The following CDH7 variants were observed in gnomAD, a reference collection of about 807,000 sequenced individuals.
CDH7 encodes cadherin 7.
CDH7 carries 25 observed loss-of-function variants against 71.8 expected under a neutral mutation model. The ratio of observed to expected loss-of-function variants is 0.35; its 90% CI spans 0.25 to 0.49. The LOEUF (loss-of-function observed/expected upper bound fraction) is 0.49, where lower values mean the gene tolerates loss of function less well. CDH7 is among the 20% of genes least tolerant of loss of function. CDH7 has a pLI of 0.99. For synonymous variants in CDH7, 381 were observed against 363.8 expected (o/e 1.05, Z -0.54); for missense variants, 862 against 974.6 (o/e 0.88, Z 1.54).
chr18:65,825,983 T>C (rs116769209), intron 6 of CDH7, among the ~76,000 whole-genome samples: 8,119 of 151,818 alleles, frequency 0.053, 303 homozygotes, highest in South Asian at 0.12. Flanking sequence ...TAATGCAAAT[T>C]GAAAGTTTTT....
chr18:65,816,968 TGGATCTGTGTGATATATGGGA>T (rs1911746069), intron 4 of CDH7, among the ~76,000 whole-genome samples: 1 of 152,210 alleles, frequency 6.6e-6, no homozygotes, highest in African/African-American at 2.4e-5. Flanking sequence ...ATACCTTTTT[TGGATCTGTGTGATATATGGGA>T]GGACTGGCTA....
intron 1 of CDH7, among the ~76,000 whole-genome samples, chr18:65,758,280 C>G (rs988846903): frequency 6.6e-6 from 1 of 152,022 alleles, no homozygotes; most frequent in African/African-American, 2.4e-5. Context: ...CAGCTCAGGA[C>G]AGAATGAAAC....
At chr18:65,879,820 A>G (rs1914167482) in intron 11 of CDH7, among the ~76,000 whole-genome samples, 1 of 152,186 alleles carries the variant, frequency 6.6e-6, no homozygotes, top group African/African-American at 2.4e-5. Flanking sequence ...GACCAAGTTC[A>G]GTATTTTATA....
At chr18:65,813,201 G>A (rs747502564) in intron 3 of CDH7, among the ~76,000 whole-genome samples, 13 of 152,234 alleles carry the variant, frequency 8.5e-5, no homozygotes, top group African/African-American at 2.2e-4. Context: ...GCATGGTGGC[G>A]CATGCCTGTA....
intron 11 of CDH7, among the ~76,000 whole-genome samples, chr18:65,869,373 A>C (rs1317490615): frequency 6.6e-6 from 1 of 152,014 alleles, no homozygotes; most frequent in Non-Finnish European, 1.5e-5. Context: ...CATTGTCTAC[A>C]GACTAAAATC....
In CDH7 at chr18:65,880,615, G is replaced by A. The variant is rs1158451939; in HGVS notation, c.2079G>A (p.Leu693=). The A allele has an allele frequency of 6.2e-7, 1 of 1,613,792 alleles. No individual in the cohort carries two copies. The highest frequency in any genetic ancestry group is 1.7e-5 in the Admixed American group (1 of 59,942). Reference sequence around the variant, plus strand: ...ATGTGACTCCAGAAATTCAATTCCTGAGTCGACCAGCTTTTAAAAGCATCC... The same window carrying A: ...ATGTGACTCCAGAAATTCAATTCCTAAGTCGACCAGCTTTTAAAAGCATCC... ...RRDVTPEIQF[L]SRPAFKSIPD... is the part of the protein sequence containing the mutation. Residue 693 remains leucine (L), a synonymous_variant, in exon 12 of 12, where the codon CTG becomes CTA. Transcript: ENST00000397968.
chr18:65,776,335 A>G (rs1909937895), intron 2 of CDH7, among the ~76,000 whole-genome samples: 1 of 150,424 alleles, frequency 6.6e-6, no homozygotes, highest in African/African-American at 2.4e-5. Flanking sequence ...ACAGCTTTTC[A>G]AATCACACAT....
chr18:65,766,018 A>G (rs1916353195), intron 2 of CDH7, among the ~76,000 whole-genome samples: 2 of 152,028 alleles, frequency 1.3e-5, no homozygotes, highest in Non-Finnish European at 2.9e-5. Flanking sequence ...TGGATCATCT[A>G]TTTTGTTACA....
At chr18:65,853,119 C>T (rs2587439) in intron 7 of CDH7, among the ~76,000 whole-genome samples, 12,378 of 152,114 alleles carry the variant, frequency 0.081, 1,657 homozygotes, top group African/African-American at 0.28. Context: ...TCTAATTGTC[C>T]GCTCCAATAT....
At chr18:65,760,087 C>T (rs1916148435) in intron 1 of CDH7, among the ~76,000 whole-genome samples, 1 of 152,066 alleles carries the variant, frequency 6.6e-6, no homozygotes, top group South Asian at 2.1e-4. Context: ...AAACTAACAT[C>T]AACCCATAAA....
At position 65,773,112 on chromosome 18, in the gene CDH7, G is replaced by A. The variant is rs187836418; in HGVS notation, c.210+10060G>A. 1.1e-4 allele frequency among the ~76,000 whole-genome samples: 16 copies of A among 152,142 alleles called. No homozygotes were observed. The East Asian group carries it at 2.9e-3, about 28-fold the overall frequency. ...CAGAGCTAAGGCATGTGTGTAAGGAGTAGAAAGTTTAAGGAGGAAGAAGTT... is the reference window on the plus strand; with the variant it reads ...CAGAGCTAAGGCATGTGTGTAAGGAATAGAAAGTTTAAGGAGGAAGAAGTT... On this transcript the variant is annotated intron_variant, in intron 2 of 11. Coordinates refer to ENST00000397968, the MANE Select transcript of CDH7 (RefSeq NM_004361.5).
chr18:65,806,797 GTT>G (rs750270534), intron 2 of CDH7, among the ~76,000 whole-genome samples: 1 of 152,230 alleles, frequency 6.6e-6, no homozygotes, highest in South Asian at 2.1e-4. Flanking sequence ...GGAGAGAGGA[GTT>G]TTTTACTAAG....
intron 2 of CDH7, among the ~76,000 whole-genome samples, chr18:65,781,864 T>TTCTTTCTTTCTTTCTC (rs1568181719): frequency 1.8e-5 from 1 of 54,614 alleles, no homozygotes; most frequent in African/African-American, 1.5e-4. Context: ...CTTTCTTTCT[T>TTCTTTCTTTCTTTCTC]TCTCTCTCTC....
chr18:65,782,483 G>T lies in CDH7; in HGVS notation c.210+19431G>T, dbSNP rs150487721. 8.5e-5 allele frequency among the ~76,000 whole-genome samples: 13 copies of T among 152,214 alleles called. No homozygotes were observed. The East Asian group carries it at 2.5e-3, about 30-fold the overall frequency. ...GGATTTCTATTTGTAGATAGAAGTGGAATGTGGGGTTTACAAGTATATTAA... is the reference window on the plus strand; with the variant it reads ...GGATTTCTATTTGTAGATAGAAGTGTAATGTGGGGTTTACAAGTATATTAA... On this transcript the variant is annotated intron_variant, in intron 2 of 11. Coordinates refer to ENST00000397968, the MANE Select transcript of CDH7 (RefSeq NM_004361.5).
At chr18:65,806,945 A>G (rs1456215313) in intron 2 of CDH7, among the ~76,000 whole-genome samples, 7 of 152,198 alleles carry the variant, frequency 4.6e-5, no homozygotes, top group Admixed American at 1.3e-4. Flanking sequence ...AGATGCTTAC[A>G]GTAACTTTGC....
Position 65,859,720 on chromosome 18 carries a change from A to T in CDH7, c.1507A>T (p.Ile503Phe). 6.2e-7 allele frequency: 1 copy of T among 1,601,928 alleles called. No homozygotes were observed. Among genetic ancestry groups the T allele is most frequent in the Non-Finnish European group, 8.6e-7 (1 of 1,169,068 alleles). ...NAQPGQVIQK[I>F]SAVDKDEPSN... ...TCTCTTTTCCTAGGTTATCCAGAAAATCAGTGCTGTGGATAAAGATGAGCC... is the reference window on the plus strand; with the variant it reads ...TCTCTTTTCCTAGGTTATCCAGAAATTCAGTGCTGTGGATAAAGATGAGCC... The change falls in exon 10 of 12, where the codon ATC (isoleucine) becomes TTC (phenylalanine). Residue 503 changes from isoleucine (I) to phenylalanine (F), a missense_variant. Physicochemically the swap from Ile to Phe is conservative, Grantham distance 21 (BLOSUM62 0). Coordinates refer to ENST00000397968, the MANE Select transcript of CDH7 (RefSeq NM_004361.5).
chr18:65,821,417 T>G (rs914032636), intron 4 of CDH7, among the ~76,000 whole-genome samples: 1 of 152,142 alleles, frequency 6.6e-6, no homozygotes, highest in Non-Finnish European at 1.5e-5. Flanking sequence ...TAGACACACA[T>G]AAGGATTCAT....
chr18:65,778,800 G>A (rs1050034905), intron 2 of CDH7, among the ~76,000 whole-genome samples: 4 of 151,414 alleles, frequency 2.6e-5, no homozygotes, highest in African/African-American at 9.7e-5. Flanking sequence ...AAATTTTACA[G>A]TAATGTTCAT....
chr18:65,874,259 T>G (rs927746701), intron 11 of CDH7, among the ~76,000 whole-genome samples: 2 of 152,222 alleles, frequency 1.3e-5, no homozygotes, highest in African/African-American at 4.8e-5. Flanking sequence ...TTATCCAATT[T>G]GGTTTTAAAA....
Sources: gnomAD v4.1 joint callset for allele counts (sites outside exome capture counted in the v4.1 genomes callset) on GRCh38, gnomAD v4.1.1 for gene constraint, MANE v1.5 for transcripts, NCBI Gene and HGNC (gene_info 2026-07-23, HGNC 2026-07-21) for gene names.